KANSL3: variants seen among roughly 807,000 people sequenced by gnomAD.
KANSL3 encodes the protein KAT8 regulatory NSL complex subunit 3, also known as NSL complex protein NSL3.
A neutral mutation model predicts 89.2 loss-of-function variants in KANSL3; 16 were observed. The observed-to-expected ratio is 0.18, with a 90% CI of 0.12 to 0.27. The LOEUF is 0.27. Ranked by LOEUF, KANSL3 falls within the 10% of genes least tolerant of loss-of-function variation. KANSL3 has a pLI of 1.00. For missense variants in KANSL3, 879 were observed against 1,110.6 expected (o/e 0.79, Z 2.96); for synonymous variants, 385 against 419.7 (o/e 0.92, Z 1.01).
chr2:96,628,239 C>G lies in KANSL3; in HGVS notation c.386+3073G>C. 8 of 985,116 alleles carry G rather than the reference C, an allele frequency of 8.1e-6. No homozygotes were observed. The South Asian group carries it at 3.3e-4, about 41-fold the overall frequency. 61.0% of individuals were successfully genotyped at this position (985,116 alleles called of 1,614,324 possible). Reference sequence around the variant, plus strand: ...TGCTGTGCCTCCTGTGTAGACTCTCCACTCATCTATTCACTTCTGAAATAA... The same window carrying G: ...TGCTGTGCCTCCTGTGTAGACTCTCGACTCATCTATTCACTTCTGAAATAA... On this transcript the variant is annotated intron_variant, in intron 3 of 20. Coordinates refer to ENST00000431828, the MANE Select transcript of KANSL3 (RefSeq NM_001115016.3).
chr2:96,625,898 T>G (rs2072205969), intron 3 of KANSL3, among the ~76,000 whole-genome samples: 1 of 152,182 alleles, frequency 6.6e-6, no homozygotes, highest in Non-Finnish European at 1.5e-5. Flanking sequence ...GACAGAATTT[T>G]AAATACAAGC....
chr2:96,609,950 C>CAAAA (rs35175492), intron 11 of KANSL3, among the ~76,000 whole-genome samples: 489 of 21,616 alleles, frequency 0.023, 198 homozygotes, highest in African/African-American at 0.06. Context: ...GGCGCCACCT[C>CAAAA]AAAAAAAAAA....
chr2:96,637,238 A>T, intron 1 of KANSL3, 53 bp from the exon 2 acceptor site: 1 of 597,268 alleles, frequency 1.7e-6, no homozygotes, highest in Non-Finnish European at 2.8e-6. Flanking sequence ...AATTTCTCCC[A>T]ATCTACACCA....
chr2:96,600,587 G>A (rs2067033975), intron 20 of KANSL3: 1 of 985,378 alleles, frequency 1.0e-6, no homozygotes, highest in Non-Finnish European at 1.2e-6. Context: ...TTGACATGGT[G>A]GAAAGGACAG....
At chr2:96,588,712 T>A (rs1033936140), downstream of KANSL3, among the ~76,000 whole-genome samples, 2 of 152,010 alleles carry the variant, frequency 1.3e-5, no homozygotes, top group Admixed American at 6.5e-5. Flanking sequence ...TGCCTCAGCC[T>A]CCGGAGTAGC....
intron 3 of KANSL3, among the ~76,000 whole-genome samples, chr2:96,620,987 T>TGA (rs1183241964): frequency 2.6e-5 from 4 of 151,890 alleles, no homozygotes; most frequent in African/African-American, 9.7e-5. Flanking sequence ...TCAGTGACAG[T>TGA]GAGGCCTTGT....
At chr2:96,597,194 AC>A (rs1299744016) in intron 20 of KANSL3, among the ~76,000 whole-genome samples, 2 of 152,228 alleles carry the variant, frequency 1.3e-5, no homozygotes, top group Admixed American at 6.5e-5. Context: ...AAAAAGGTTA[AC>A]AATTCCGTAA....
Position 96,595,703 on chromosome 2 carries a change from C to A in KANSL3, c.2617-72G>T. On this transcript the variant is annotated intron_variant, in intron 20 of 20. Coordinates refer to ENST00000431828, the MANE Select transcript of KANSL3 (RefSeq NM_001115016.3). ...ATCATCATATTCAGACCCTCTATCC[C>A]AATTATCCCAACTCCTGAGAATTTA... 4 of 1,496,172 alleles carry A rather than the reference C, an allele frequency of 2.7e-6. No homozygotes were observed. The Middle Eastern group carries it at 7.0e-4, about 260-fold the overall frequency. The allele number at this position is 1,496,172 out of a possible 1,614,324, so 92.7% of individuals were successfully genotyped here.
intron 14 of KANSL3, 35 bp from the exon 15 acceptor site, chr2:96,605,546 T>C (rs1286626031): frequency 1.3e-6 from 2 of 1,561,502 alleles, no homozygotes; most frequent in Non-Finnish European, 1.8e-6. Context: ...TCCTCCACAA[T>C]CCAAAAAATC....
chr2:96,617,780 G>A (rs1294577470), intron 5 of KANSL3, among the ~76,000 whole-genome samples: 1 of 151,714 alleles, frequency 6.6e-6, no homozygotes, highest in Non-Finnish European at 1.5e-5. Flanking sequence ...GGCGGATCAC[G>A]AGGTCAGGAG....
At chr2:96,631,784 C>T (rs1392230396) in intron 2 of KANSL3, among the ~76,000 whole-genome samples, 1 of 151,958 alleles carries the variant, frequency 6.6e-6, no homozygotes, top group African/African-American at 2.4e-5. Context: ...CACTGGCTCA[C>T]ACCTGTAATA....
chr2:96,589,679 A>C (rs537237618), downstream of KANSL3, among the ~76,000 whole-genome samples: 81 of 152,296 alleles, frequency 5.3e-4, no homozygotes, highest in South Asian at 0.016. Context: ...AGAACCTGAC[A>C]ACACCATCAG....
intron 19 of KANSL3, 24 bp downstream of exon 19, chr2:96,602,092 C>A: frequency 1.3e-6 from 2 of 1,547,028 alleles, no homozygotes; most frequent in East Asian, 2.4e-5. Flanking sequence ...CTGGGAGTCC[C>A]CACAGTTCTC....
At chr2:96,592,377 G>A (rs962072357), downstream of KANSL3, among the ~76,000 whole-genome samples, 9 of 152,300 alleles carry the variant, frequency 5.9e-5, no homozygotes, top group East Asian at 1.5e-3. Context: ...ATTTATTGGC[G>A]GTGGGTGGAG....
intron 3 of KANSL3, among the ~76,000 whole-genome samples, chr2:96,630,653 A>T (rs2073220914): frequency 6.6e-6 from 1 of 152,246 alleles, no homozygotes; most frequent in Non-Finnish European, 1.5e-5. Context: ...TGTACATATT[A>T]AATAGCTGAA....
At chr2:96,588,715 G>C (rs973745264), downstream of KANSL3, among the ~76,000 whole-genome samples, 3 of 151,714 alleles carry the variant, frequency 2.0e-5, no homozygotes, top group Non-Finnish European at 2.9e-5. Context: ...CTCAGCCTCC[G>C]GAGTAGCTGG....
rs1221494467 is a variant in KANSL3 at position 96,608,881 on chromosome 2, A to T, written c.1567T>A (p.Ser523Thr). 6.3e-7 allele frequency: 1 copy of T among 1,579,522 alleles called. No homozygotes were observed. Among genetic ancestry groups the T allele is most frequent in the African/African-American group, 1.3e-5 (1 of 74,250 alleles). ...CACACTACCTCTGAGCCTGAGGGTG[A>T]GGCGGGCAGCTTGGCAGCTGGGGAG... ...PASPAAKLPA[S>T]PSGSEDLSSV... Residue 523 changes from serine to threonine, a missense_variant, in exon 13 of 21, where the codon TCA (serine) becomes ACA (threonine). This residue lies in a region of KANSL3 where 317 missense variants were observed against 311.2 expected (regional missense o/e 1.02). Transcript: ENST00000431828.
chr2:96,610,641 T>C, intron 11 of KANSL3, 85 bp downstream of exon 11: 2 of 1,490,788 alleles, frequency 1.3e-6, no homozygotes, highest in Non-Finnish European at 9.2e-7. Context: ...TGAACCAGAC[T>C]GGTCTGTAGT....
chr2:96,619,123 T>C (rs1377087909), intron 5 of KANSL3, among the ~76,000 whole-genome samples: 1 of 152,236 alleles, frequency 6.6e-6, no homozygotes, highest in Non-Finnish European at 1.5e-5. Flanking sequence ...GAAGGCTAAA[T>C]GTATACTCTG....
Sources: allele counts gnomAD v4.1 joint callset (sites outside exome capture counted in the v4.1 genomes callset), GRCh38; gene constraint gnomAD v4.1.1; regional missense constraint gnomAD v4.1.1; transcripts MANE v1.5; gene names NCBI Gene and HGNC (gene_info 2026-07-23, HGNC 2026-07-21).